The following DNAH9 variants were observed in gnomAD, a reference collection of about 807,000 sequenced individuals.
DNAH9 encodes the protein DNAH9 variant protein.
DNAH9 carries 345 observed loss-of-function variants against 471.6 expected under a neutral mutation model. The ratio of observed to expected loss-of-function variants is 0.73; its 90% CI spans 0.67 to 0.80. The LOEUF (loss-of-function observed/expected upper bound fraction) is 0.80, where lower values mean the gene tolerates loss of function less well. DNAH9 is among the 30% of genes least tolerant of loss of function. The pLI is 0.00. For synonymous variants in DNAH9, 2,093 were observed against 2,123.6 expected (o/e 0.99, Z 0.40); for missense variants, 5,407 against 5,609.2 (o/e 0.96, Z 1.15).
intron 49 of DNAH9, among the ~76,000 whole-genome samples, chr17:11,850,586 G>T (rs1971380775): frequency 6.6e-6 from 1 of 151,890 alleles, no homozygotes; most frequent in Non-Finnish European, 1.5e-5. Flanking sequence ...GGGAGGTGGA[G>T]GTTGCAGTGA....
intron 43 of DNAH9, among the ~76,000 whole-genome samples, chr17:11,798,432 CAAAAAA>C (rs71142247): frequency 1.6e-5 from 1 of 61,594 alleles, no homozygotes; most frequent in African/African-American, 6.3e-5. Context: ...GACTCTGCCT[CAAAAAA>C]AAAAAAAAAA....
Position 11,619,792 on chromosome 17 carries a change from A to G in DNAH9, c.1350+11A>G, listed in dbSNP as rs371694506. 37 of 1,508,268 alleles carry G rather than the reference A, an allele frequency of 2.5e-5. No individual in the cohort carries two copies. In the African/African-American group the frequency reaches 4.3e-4, roughly 17 times the overall value. 93.4% of individuals were successfully genotyped at this position (1,508,268 alleles called of 1,614,324 possible). A position where few individuals can be genotyped will look rare whatever the true frequency, so the allele number is the denominator to read the frequency against. ...CTGCACGTGGTGGAGGTGAGTGCGC[A>G]CCTCACCTCAGGCTGCCAGCCCCAG... On this transcript the variant is annotated intron_variant, in intron 6 of 68. Transcript: ENST00000262442.
intron 22 of DNAH9, among the ~76,000 whole-genome samples, chr17:11,696,368 C>T (rs1244581933): frequency 1.3e-5 from 2 of 152,074 alleles, no homozygotes; most frequent in South Asian, 2.1e-4. Flanking sequence ...CACAGTTTGG[C>T]CATAGGTTAT....
At chr17:11,939,137 T>C (rs749039121) in intron 66 of DNAH9, among the ~76,000 whole-genome samples, 5 of 152,170 alleles carry the variant, frequency 3.3e-5, no homozygotes, top group Non-Finnish European at 7.3e-5. Context: ...GGGGTTAGGT[T>C]GCATTGGCAA....
intron 26 of DNAH9, among the ~76,000 whole-genome samples, chr17:11,709,680 T>G (rs2074797659): frequency 6.6e-6 from 1 of 152,210 alleles, no homozygotes; most frequent in South Asian, 2.1e-4. Flanking sequence ...GGCACCACAC[T>G]AAGTTGAAGA....
At chr17:11,938,946 C>T (rs1974805910) in intron 66 of DNAH9, among the ~76,000 whole-genome samples, 1 of 152,154 alleles carries the variant, frequency 6.6e-6, no homozygotes, top group Non-Finnish European at 1.5e-5. Flanking sequence ...TACAAGTAAA[C>T]ATCCTTGGGA....
intron 1 of DNAH9, among the ~76,000 whole-genome samples, chr17:11,603,582 A>G (rs1434775363): frequency 6.6e-6 from 1 of 152,128 alleles, no homozygotes; most frequent in East Asian, 1.9e-4. Context: ...TCACTCTAGC[A>G]ATTTCCTCTT....
chr17:11,768,100 C>T (rs1195713225), intron 36 of DNAH9, among the ~76,000 whole-genome samples: 4 of 152,102 alleles, frequency 2.6e-5, no homozygotes, highest in African/African-American at 4.8e-5. Context: ...TCTCAGGCAC[C>T]GAAGAATGGG....
At chr17:11,709,012 A>G (rs1258572285) in intron 26 of DNAH9, among the ~76,000 whole-genome samples, 1 of 152,158 alleles carries the variant, frequency 6.6e-6, no homozygotes, top group African/African-American at 2.4e-5. Context: ...TTCCACCAAC[A>G]TATCAGACAT....
intron 8 of DNAH9, among the ~76,000 whole-genome samples, chr17:11,635,333 ATT>A (rs746022574): frequency 6.3e-5 from 6 of 94,658 alleles, no homozygotes; most frequent in African/African-American, 2.3e-4. Context: ...TGACTCGCTA[ATT>A]TTTTTTTTTT....
chr17:11,733,517 A>G (rs1322850804), intron 28 of DNAH9, among the ~76,000 whole-genome samples: 1 of 152,170 alleles, frequency 6.6e-6, no homozygotes, highest in Non-Finnish European at 1.5e-5. Flanking sequence ...TGCAGATAAC[A>G]AGGTTGACCA....
rs115015598 is a variant in DNAH9 at position 11,898,594 on chromosome 17, A to G, written c.11406+4098A>G. Among the ~76,000 whole-genome samples the G allele has an allele frequency of 7.9e-3, 1,210 of 152,296 alleles. 18 individuals are homozygous for G. Among genetic ancestry groups the G allele is most frequent in the African/African-American group, 0.027 (1,131 of 41,560 alleles). On this transcript the variant is annotated intron_variant, in intron 59 of 68. Coordinates refer to ENST00000262442, the MANE Select transcript of DNAH9 (RefSeq NM_001372.4). ...GGGGAGACACAATTCACCCCATAAC[A>G]ATTATGATGACTAATCACCCAGCTA...
intron 43 of DNAH9, among the ~76,000 whole-genome samples, chr17:11,803,513 T>A (rs919978335): frequency 7.9e-5 from 12 of 152,224 alleles, no homozygotes; most frequent in Non-Finnish European, 1.5e-4. Context: ...GTAATGGACT[T>A]AACTTAGACT....
At chr17:11,862,656 G>A (rs370091739) in intron 50 of DNAH9, among the ~76,000 whole-genome samples, 1 of 152,176 alleles carries the variant, frequency 6.6e-6, no homozygotes, top group South Asian at 2.1e-4. Flanking sequence ...CCATGAGCAT[G>A]GAATATTCTT....
chr17:11,635,586 C>CAG (rs2073147336), intron 8 of DNAH9, among the ~76,000 whole-genome samples: 1 of 152,144 alleles, frequency 6.6e-6, no homozygotes, highest in African/African-American at 2.4e-5. Flanking sequence ...CCTCTGACTT[C>CAG]AAGTGCTAGG....
Position 11,834,887 on chromosome 17 carries a change from A to G in DNAH9, c.9496A>G (p.Thr3166Ala), listed in dbSNP as rs775117239. The stretch of plus-strand genomic sequence containing the variant: ...CACAGCAGCGCAGGCAGCTCTCAAC[A>G]CCCTGAACAAGGTAGGAGGACTGTC... ...ALTAAQAALNTLNKTNLTELK... is the reference protein window; with the variant it reads ...ALTAAQAALNALNKTNLTELK... Residue 3166 changes from threonine (T) to alanine (A), a missense_variant, in exon 49 of 69, where the codon ACC (threonine) becomes GCC (alanine). By Grantham distance (58) the Thr-to-Ala change is moderately conservative. Coordinates refer to ENST00000262442, the MANE Select transcript of DNAH9 (RefSeq NM_001372.4). The G allele has an allele frequency of 1.2e-6, 2 of 1,612,682 alleles. No homozygotes were observed. Among genetic ancestry groups the G allele is most frequent in the Non-Finnish European group, 1.7e-6 (2 of 1,179,666 alleles).
rs11653848 is a variant in DNAH9 at position 11,640,203 on chromosome 17, T to C, written c.1787-67T>C. 0.4 allele frequency: 346,954 copies of C among 877,028 alleles called. 71,034 individuals are homozygous for C. Among genetic ancestry groups the C allele is most frequent in the Non-Finnish European group, 0.42 (231,476 of 547,562 alleles). The allele number at this position is 877,028 out of a possible 1,614,324, so 54.3% of individuals were successfully genotyped here. A position where few individuals can be genotyped will look rare whatever the true frequency, so the allele number is the denominator to read the frequency against. On this transcript the variant is annotated intron_variant, in intron 9 of 68. Coordinates refer to ENST00000262442, the MANE Select transcript of DNAH9 (RefSeq NM_001372.4). ...CAAAAGTGGAGTACTTGGTGGGAGG[T>C]GTTTGCCGAGCGGAGAGGACTGAGG...
At position 11,942,396 on chromosome 17, in the gene DNAH9, A is replaced by G; in HGVS notation, c.12754A>G (p.Ile4252Val). 1 of 1,614,194 alleles carries G rather than the reference A, an allele frequency of 6.2e-7. No individual in the cohort carries two copies. The highest frequency in any genetic ancestry group is 8.5e-7 in the Non-Finnish European group (1 of 1,180,042). ...CAAAGTGGAGGAGCGCACCCCTTAC[A>G]TTGTAGTTGCCTTCCAGGAGTGTGG... ...MAKVEERTPY[I>V]VVAFQECGRM... Residue 4252 changes from isoleucine to valine, a missense_variant, in exon 67 of 69, where the codon ATT becomes GTT. Physicochemically the swap from Ile to Val is conservative, Grantham distance 29. This residue lies in a region of DNAH9 where 4,636 missense variants were observed against 4,900.3 expected (regional missense o/e 0.95). Coordinates refer to ENST00000262442, the MANE Select transcript of DNAH9 (RefSeq NM_001372.4).
chr17:11,923,684 G>T, intron 61 of DNAH9, 130 bp from the exon 62 acceptor site: 1 of 1,109,904 alleles, frequency 9.0e-7, no homozygotes, highest in East Asian at 2.6e-5. Context: ...GTCAGTATAT[G>T]AGGTTTCGGT....
Sources: gnomAD v4.1 joint callset for allele counts (sites outside exome capture counted in the v4.1 genomes callset) on GRCh38, gnomAD v4.1.1 for gene constraint, gnomAD v4.1.1 regional missense constraint, MANE v1.5 for transcripts, NCBI Gene and HGNC (gene_info 2026-07-23, HGNC 2026-07-21) for gene names.